Variants in PRKCE observed in about 807,000 individuals in gnomAD.
PRKCE encodes protein kinase C epsilon.
In PRKCE, 16 loss-of-function variants were observed where a neutral mutation model predicts 85.4. The observed-to-expected ratio is 0.19, with a 90% CI of 0.13 to 0.28. PRKCE has a LOEUF of 0.28. PRKCE is among the 10% of genes least tolerant of loss of function. The probability of loss-of-function intolerance (pLI) is 1.00; values close to 1 mark genes in which losing one functional copy is unlikely to be tolerated. For synonymous variants in PRKCE, 388 were observed against 371.5 expected (o/e 1.04, Z -0.51); for missense variants, 573 against 975.2 (o/e 0.59, Z 5.49).
At chr2:45,763,569 A>C (rs1684684702) in intron 1 of PRKCE, among the ~76,000 whole-genome samples, 1 of 150,826 alleles carries the variant, frequency 6.6e-6, no homozygotes, top group East Asian at 2.0e-4. Flanking sequence ...TCCCTCTTCT[A>C]GGACAGTTTT....
intron 2 of PRKCE, among the ~76,000 whole-genome samples, chr2:45,908,488 T>C (rs1697148134): frequency 6.6e-6 from 1 of 152,106 alleles, no homozygotes; most frequent in African/African-American, 2.4e-5. Flanking sequence ...GAAAGATGCA[T>C]TGTGTTAGGA....
Position 45,652,090 on chromosome 2 carries a change from C to T in PRKCE, c.-11C>T. 2.0e-6 allele frequency: 3 copies of T among 1,528,186 alleles called. No individual in the cohort carries two copies. The highest frequency in any genetic ancestry group is 2.6e-6 in the Non-Finnish European group (3 of 1,133,192). 94.7% of individuals were successfully genotyped at this position (1,528,186 alleles called of 1,614,324 possible). A position where few individuals can be genotyped will look rare whatever the true frequency, so the allele number is the denominator to read the frequency against. ...ACGGAGTGACCCCGGCCCCCACTCC[C>T]CGCCCCGACCATGGTAGTGTTCAAT... On this transcript the variant is annotated 5_prime_UTR_variant, in exon 1 of 15. Transcript: ENST00000306156. This position sits in a 1 kb window ranked among gnomAD's most constrained non-coding sequence, Gnocchi z 7.7.
chr2:46,046,385 T>G (rs1234073672), intron 10 of PRKCE, among the ~76,000 whole-genome samples: 1 of 152,184 alleles, frequency 6.6e-6, no homozygotes, highest in South Asian at 2.1e-4. Context: ...TAGCTCCACA[T>G]GACAGTGTTT....
rs1010078133 is a variant in PRKCE at position 46,091,138 on chromosome 2, G to T, written c.1592+4776G>T. On this transcript the variant is annotated intron_variant, in intron 11 of 14. Transcript: ENST00000306156. ...TGTGTCCCCTGCTGGACACGGGGTG[G>T]GGGAAGCAGGGGGAGGGCTGGGTGG... Among the ~76,000 whole-genome samples, 5 of 152,200 alleles carry T rather than the reference G, an allele frequency of 3.3e-5. No homozygotes were observed. The East Asian group carries it at 9.7e-4, about 29-fold the overall frequency.
intron 6 of PRKCE, among the ~76,000 whole-genome samples, chr2:45,996,890 A>G (rs1704265787): frequency 6.6e-6 from 1 of 152,194 alleles, no homozygotes; most frequent in East Asian, 1.9e-4. Flanking sequence ...AGAAGATATT[A>G]TAGAGAATTG....
intron 1 of PRKCE, among the ~76,000 whole-genome samples, chr2:45,767,868 TA>T (rs1326788706): frequency 6.6e-6 from 1 of 152,190 alleles, no homozygotes; most frequent in Non-Finnish European, 1.5e-5. Context: ...TAGAGCATTG[TA>T]AACTAGAAAC....
intron 2 of PRKCE, among the ~76,000 whole-genome samples, chr2:45,929,327 C>T (rs1055981408): frequency 4.6e-5 from 7 of 152,126 alleles, no homozygotes; most frequent in Admixed American, 6.5e-5. Context: ...CACCAAAGAG[C>T]GATAGCGGAG....
rs1667833546 is a variant in PRKCE, at chr2:46,068,749, G to A, written c.1438-17459G>A. Among the ~76,000 whole-genome samples, 1 of 152,212 alleles carries A rather than the reference G, an allele frequency of 6.6e-6. No individual in the cohort carries two copies. Among genetic ancestry groups the A allele is most frequent in the South Asian group, 2.1e-4 (1 of 4,832 alleles). On this transcript the variant is annotated intron_variant, in intron 10 of 14. Coordinates refer to ENST00000306156, the MANE Select transcript of PRKCE (RefSeq NM_005400.3). The surrounding 1 kb of genome is among the most constrained non-coding windows in gnomAD (Gnocchi z 4.3). ...CCTGGCATGTAGACGGGAGAGACTT[G>A]GAGCAGTTGCCCAAATGCCTCAGAA...
rs567383743 is a variant in PRKCE, at chr2:46,147,888, T to A, written c.1731+2657T>A. Among the ~76,000 whole-genome samples the A allele has an allele frequency of 1.1e-4, 16 of 152,302 alleles. No individual in the cohort carries two copies. In the South Asian group the frequency reaches 2.7e-3, roughly 26 times the overall value. ...GATGACTTGATGAAGTCACAAAATG[T>A]TTTTGAGTCTCAGGTTTCTCATCTT... On this transcript the variant is annotated intron_variant, in intron 12 of 14. Coordinates refer to ENST00000306156, the MANE Select transcript of PRKCE (RefSeq NM_005400.3).
intron 2 of PRKCE, among the ~76,000 whole-genome samples, chr2:45,866,636 G>C (rs903247635): frequency 6.6e-6 from 1 of 152,206 alleles, no homozygotes; most frequent in African/African-American, 2.4e-5. Context: ...ACAATGGCGG[G>C]GAAGCAGGCG....
At chr2:45,947,936 G>T (rs1475627848) in intron 2 of PRKCE, among the ~76,000 whole-genome samples, 2 of 152,220 alleles carry the variant, frequency 1.3e-5, no homozygotes, top group African/African-American at 4.8e-5. Flanking sequence ...GAGGAAGTTA[G>T]AGAACTACGT....
chr2:45,758,114 G>A (rs552259242), intron 1 of PRKCE, among the ~76,000 whole-genome samples: 5 of 152,330 alleles, frequency 3.3e-5, no homozygotes, highest in Middle Eastern at 6.8e-3. Context: ...AAGAATGAAA[G>A]CTAGATGGGC....
At chr2:45,972,132 CT>C (rs891677462) in intron 2 of PRKCE, among the ~76,000 whole-genome samples, 5 of 151,730 alleles carry the variant, frequency 3.3e-5, no homozygotes, top group South Asian at 2.1e-4. Flanking sequence ...ACTTATCATT[CT>C]TTTTTTTTAT....
chr2:45,999,078 A>C (rs560092306), intron 6 of PRKCE, among the ~76,000 whole-genome samples: 1 of 152,312 alleles, frequency 6.6e-6, no homozygotes, highest in African/African-American at 2.4e-5. Flanking sequence ...GCACATTACT[A>C]ATATTATGAT....
At chr2:45,651,388 G>T (rs1675113737), upstream of PRKCE, 1 of 151,622 alleles carries the variant, frequency 6.6e-6, no homozygotes, top group Non-Finnish European at 1.5e-5. Flanking sequence ...GAGATTCCGG[G>T]CTCCTGGCGC....
intron 1 of PRKCE, among the ~76,000 whole-genome samples, chr2:45,683,283 T>C (rs772960755): frequency 3.3e-5 from 5 of 152,198 alleles, no homozygotes; most frequent in African/African-American, 4.8e-5. Context: ...TGAGTTTTAA[T>C]TGATGCTAAT....
intron 2 of PRKCE, among the ~76,000 whole-genome samples, chr2:45,976,207 C>G (rs1702442056): frequency 6.6e-6 from 1 of 152,172 alleles, no homozygotes; most frequent in African/African-American, 2.4e-5. Flanking sequence ...GAGGATATAG[C>G]AGGAATAGGC....
intron 2 of PRKCE, among the ~76,000 whole-genome samples, chr2:45,874,558 ACT>A (rs1209212036): frequency 1.3e-5 from 2 of 151,876 alleles, no homozygotes; most frequent in African/African-American, 4.8e-5. Flanking sequence ...TTCTTGTCTC[ACT>A]CTCTGGCTTG....
intron 1 of PRKCE, among the ~76,000 whole-genome samples, chr2:45,767,846 G>A (rs947052495): frequency 6.6e-6 from 1 of 152,160 alleles, no homozygotes; most frequent in African/African-American, 2.4e-5. Context: ...AGTATCACAG[G>A]TGTTTGCCTC....
Sources: gnomAD v4.1 joint callset for allele counts (sites outside exome capture counted in the v4.1 genomes callset) on GRCh38, gnomAD v4.1.1 for gene constraint, Gnocchi (gnomAD v3.1) non-coding constraint, MANE v1.5 for transcripts, NCBI Gene and HGNC (gene_info 2026-07-23, HGNC 2026-07-21) for gene names.